ANKFN1: variants seen among roughly 807,000 people sequenced by gnomAD.
ANKFN1 encodes ankyrin repeat and fibronectin type-III domain-containing protein 1.
A neutral mutation model predicts 108.7 loss-of-function variants in ANKFN1; 74 were observed. The observed-to-expected ratio is 0.68, with a 90% CI of 0.56 to 0.83. The LOEUF is 0.83. Ranked by LOEUF, ANKFN1 falls within the 40% of genes least tolerant of loss-of-function variation. ANKFN1 has a pLI of 0.00. For synonymous variants in ANKFN1, 547 were observed against 516.2 expected, an observed-to-expected ratio of 1.06 and a Z score of -0.81; for missense variants, 1,505 against 1,382.3, an observed-to-expected ratio of 1.09 and a Z score of -1.41.
chr17:56,242,126 AT>A (rs1248625794), intron 3 of ANKFN1, among the ~76,000 whole-genome samples: 7 of 152,036 alleles, frequency 4.6e-5, no homozygotes, highest in African/African-American at 1.7e-4. Flanking sequence ...GGCTGCTGTA[AT>A]TTTTCATAGC....
intron 7 of ANKFN1, among the ~76,000 whole-genome samples, chr17:56,373,310 A>G (rs2046861382): frequency 6.6e-6 from 1 of 152,254 alleles, no homozygotes; most frequent in Non-Finnish European, 1.5e-5. Flanking sequence ...GCAACCGAAA[A>G]GAACAATCAA....
chr17:56,189,868 A>G (rs182953664), intron 1 of ANKFN1, among the ~76,000 whole-genome samples: 1 of 152,268 alleles, frequency 6.6e-6, no homozygotes, highest in African/African-American at 2.4e-5. Context: ...AATGGAACAA[A>G]ATAGAGAGCA....
intron 4 of ANKFN1, among the ~76,000 whole-genome samples, chr17:56,087,743 A>G (rs1176735902): frequency 6.6e-6 from 1 of 151,410 alleles, no homozygotes; most frequent in Non-Finnish European, 1.5e-5. Context: ...GCCTGTTTTT[A>G]TAAATAAAGT....
intron 1 of ANKFN1, among the ~76,000 whole-genome samples, chr17:56,167,305 A>G (rs1910234057): frequency 1.2e-5 from 1 of 80,116 alleles, no homozygotes; most frequent in Non-Finnish European, 2.3e-5. Context: ...ATACATATAT[A>G]CACACACACA....
upstream of ANKFN1, among the ~76,000 whole-genome samples, chr17:56,149,312 C>T (rs1460838883): frequency 1.3e-5 from 2 of 151,940 alleles, no homozygotes; most frequent in African/African-American, 4.8e-5. Flanking sequence ...ATCTTGGGCA[C>T]CTGGATAAAG....
chr17:56,327,558 AAT>A (rs1358693906), intron 4 of ANKFN1, among the ~76,000 whole-genome samples: 1 of 152,190 alleles, frequency 6.6e-6, no homozygotes, highest in Non-Finnish European at 1.5e-5. Context: ...CAAGCCACTC[AAT>A]CACAAGAGCC....
At chr17:56,343,930 A>G (rs188810844) in intron 4 of ANKFN1, among the ~76,000 whole-genome samples, 46 of 151,976 alleles carry the variant, frequency 3.0e-4, no homozygotes, top group Non-Finnish European at 2.6e-4. Flanking sequence ...CATAATTTCT[A>G]TCTCTTTATT....
chr17:56,372,112 G>A (rs1444553116), intron 6 of ANKFN1, among the ~76,000 whole-genome samples: 3 of 152,230 alleles, frequency 2.0e-5, no homozygotes, highest in African/African-American at 2.4e-5. Flanking sequence ...ATAAAATTAT[G>A]CCTCTAAGAT....
chr17:56,149,031 CAG>C (rs1365231678), upstream of ANKFN1, among the ~76,000 whole-genome samples: 5 of 152,136 alleles, frequency 3.3e-5, no homozygotes, highest in African/African-American at 1.2e-4. Flanking sequence ...GAGCAAATGG[CAG>C]AGTCAAGACA....
chr17:56,476,626 C>T (rs555371067), intron 15 of ANKFN1, among the ~76,000 whole-genome samples: 5 of 152,286 alleles, frequency 3.3e-5, no homozygotes, highest in South Asian at 2.1e-4. Flanking sequence ...AAGCCACTGA[C>T]AACTGAGAAT....
chr17:56,301,667 G>C (rs1391270698), intron 3 of ANKFN1, among the ~76,000 whole-genome samples: 1 of 152,220 alleles, frequency 6.6e-6, no homozygotes, highest in Non-Finnish European at 1.5e-5. Flanking sequence ...GCTTTGAAGG[G>C]CTTCTCTCCA....
rs2046305670 is a variant in ANKFN1, at chr17:56,353,719, A to G, written c.391-117A>G. On this transcript the variant is annotated intron_variant, in intron 5 of 20. Coordinates refer to ENST00000682825, the MANE Select transcript of ANKFN1 (RefSeq NM_001370326.1). ...GGAGACCTTGGGATAAATTGTAGTT[A>G]TTCCACTTATAAGTGGACATGCAGT... 18 of 819,704 alleles carry G rather than the reference A, an allele frequency of 2.2e-5. 1 individual carries two copies. In the South Asian group the frequency reaches 2.9e-4, roughly 13 times the overall value. The allele number at this position is 819,704 out of a possible 1,614,324, so 50.8% of individuals were successfully genotyped here.
At chr17:56,264,812 C>T (rs1000988955) in intron 3 of ANKFN1, among the ~76,000 whole-genome samples, 3 of 152,180 alleles carry the variant, frequency 2.0e-5, no homozygotes, top group African/African-American at 7.2e-5. Context: ...AAATTCCTTT[C>T]CATGATTCGT....
At chr17:56,330,368 G>A (rs1338289866) in intron 4 of ANKFN1, among the ~76,000 whole-genome samples, 1 of 152,122 alleles carries the variant, frequency 6.6e-6, no homozygotes, top group Non-Finnish European at 1.5e-5. Flanking sequence ...CATGAGAATG[G>A]TATGGGGGAA....
At chr17:56,234,989 C>T (rs11867633) in intron 3 of ANKFN1, among the ~76,000 whole-genome samples, 40,634 of 152,012 alleles carry the variant, frequency 0.27, 5,949 homozygotes, top group African/African-American at 0.38. Flanking sequence ...AGTGTTCCCT[C>T]TTCTCTGCAA....
intron 3 of ANKFN1, among the ~76,000 whole-genome samples, chr17:56,289,563 A>T (rs907100289): frequency 1.3e-5 from 2 of 152,208 alleles, no homozygotes; most frequent in African/African-American, 4.8e-5. Context: ...TCAGAATCAA[A>T]CTTGCCCTGT....
At chr17:56,180,077 T>C (rs894873914) in intron 1 of ANKFN1, among the ~76,000 whole-genome samples, 27 of 152,206 alleles carry the variant, frequency 1.8e-4, no homozygotes, top group African/African-American at 6.5e-4. Flanking sequence ...TTCTGGGGGA[T>C]GCATGTAGCC....
chr17:56,360,525 A>G (rs1311353009), intron 6 of ANKFN1, among the ~76,000 whole-genome samples: 1 of 152,210 alleles, frequency 6.6e-6, no homozygotes, highest in Non-Finnish European at 1.5e-5. Context: ...CTGCAATAGA[A>G]CATAAATTCC....
intron 8 of ANKFN1, among the ~76,000 whole-genome samples, chr17:56,412,462 G>A (rs1423038313): frequency 1.3e-5 from 2 of 152,174 alleles, no homozygotes; most frequent in East Asian, 3.9e-4. Flanking sequence ...TTGAGTCAGT[G>A]GACTGGGAGA....
Sources: gnomAD v4.1 joint callset for allele counts (sites outside exome capture counted in the v4.1 genomes callset) on GRCh38, gnomAD v4.1.1 for gene constraint, MANE v1.5 for transcripts, NCBI Gene and HGNC (gene_info 2026-07-23, HGNC 2026-07-21) for gene names.